Variants in PPFIA2 observed in about 807,000 individuals in gnomAD.
The protein encoded by PPFIA2 is PPFI scaffold protein A2.
PPFIA2 carries 46 observed loss-of-function variants against 175.5 expected under a neutral mutation model. That is an observed-to-expected ratio of 0.26 (90% CI 0.21 to 0.34). PPFIA2 has a LOEUF of 0.34. Ranked by LOEUF, PPFIA2 falls within the 10% of genes least tolerant of loss-of-function variation. The pLI is 1.00. For synonymous variants in PPFIA2, 568 were observed against 511.4 expected, an observed-to-expected ratio of 1.11 and a Z score of -1.49; for missense variants, 1,179 against 1,506.1, an observed-to-expected ratio of 0.78 and a Z score of 3.60.
chr12:81,548,909 T>C (rs563439513), intron 4 of PPFIA2, among the ~76,000 whole-genome samples: 2 of 152,176 alleles, frequency 1.3e-5, no homozygotes, highest in South Asian at 4.1e-4. Flanking sequence ...ACAAAGAAAC[T>C]GCAGGTACTT....
rs148194278 is a variant in PPFIA2 at position 81,732,265 on chromosome 12, A to T, written c.249+21708T>A. 5.7e-3 allele frequency among the ~76,000 whole-genome samples: 861 copies of T among 151,744 alleles called. 7 individuals carry two copies. The highest frequency in any genetic ancestry group is 0.037 in the South Asian group (178 of 4,824). On this transcript the variant is annotated intron_variant, in intron 3 of 32. Coordinates refer to ENST00000549396, the MANE Select transcript of PPFIA2 (RefSeq NM_003625.5). ...AAATTGAACATATTAATAGCATTTA[A>T]ATAATTGCTAATAGCTTAATTTCAA...
intron 8 of PPFIA2, among the ~76,000 whole-genome samples, chr12:81,387,631 C>G (rs1324665150): frequency 1.3e-5 from 2 of 152,076 alleles, no homozygotes; most frequent in African/African-American, 4.8e-5. Context: ...GGTAGAAGTT[C>G]TAATAAATCT....
At chr12:81,560,070 T>C (rs1004586761) in intron 4 of PPFIA2, among the ~76,000 whole-genome samples, 7 of 152,190 alleles carry the variant, frequency 4.6e-5, no homozygotes, top group African/African-American at 1.7e-4. Context: ...GAGGTTTGAA[T>C]TGACGTATAC....
intron 4 of PPFIA2, among the ~76,000 whole-genome samples, chr12:81,667,841 C>T (rs948787378): frequency 6.6e-6 from 1 of 152,168 alleles, no homozygotes; most frequent in East Asian, 1.9e-4. Flanking sequence ...TTTCTGATCA[C>T]CCCACCTTGA....
At chr12:81,638,876 A>T (rs2064520821) in intron 4 of PPFIA2, among the ~76,000 whole-genome samples, 1 of 149,688 alleles carries the variant, frequency 6.7e-6, no homozygotes, top group Non-Finnish European at 1.5e-5. Context: ...TTTAGTAGAG[A>T]CGGGGTTTCA....
chr12:81,347,191 A>G (rs967383203), intron 18 of PPFIA2, among the ~76,000 whole-genome samples: 2 of 151,854 alleles, frequency 1.3e-5, no homozygotes, highest in African/African-American at 4.8e-5. Context: ...GCCTCTAGGT[A>G]ATCCTCCTGC....
At chr12:81,737,921 GA>G (rs2081830429) in intron 3 of PPFIA2, among the ~76,000 whole-genome samples, 1 of 151,496 alleles carries the variant, frequency 6.6e-6, no homozygotes, top group Non-Finnish European at 1.5e-5. Flanking sequence ...AATGAGGGGG[GA>G]AACAGAATGT....
intron 4 of PPFIA2, among the ~76,000 whole-genome samples, chr12:81,503,382 T>C (rs1054832134): frequency 2.0e-5 from 3 of 152,036 alleles, no homozygotes; most frequent in African/African-American, 7.2e-5. Flanking sequence ...ATTTCCACCA[T>C]CCACATGATA....
intron 16 of PPFIA2, among the ~76,000 whole-genome samples, chr12:81,354,092 G>C (rs951171451): frequency 8.5e-5 from 13 of 152,178 alleles, no homozygotes; most frequent in African/African-American, 3.1e-4. Flanking sequence ...TCTTTTTGCT[G>C]GTGGAAGGTC....
chr12:81,393,179 A>G (rs1337026555), intron 8 of PPFIA2, among the ~76,000 whole-genome samples: 2 of 152,102 alleles, frequency 1.3e-5, no homozygotes, highest in Non-Finnish European at 2.9e-5. Context: ...GCTAGGTCCC[A>G]CATTACAGCA....
rs184675193 is a variant in PPFIA2 at position 81,410,311 on chromosome 12, T to C, written c.646-4408A>G. Among the ~76,000 whole-genome samples the C allele has an allele frequency of 2.5e-3, 376 of 152,280 alleles. 1 individual carries two copies. Among genetic ancestry groups the C allele is most frequent in the African/African-American group, 8.3e-3 (347 of 41,566 alleles). On this transcript the variant is annotated intron_variant, in intron 7 of 32. Coordinates refer to ENST00000549396, the MANE Select transcript of PPFIA2 (RefSeq NM_003625.5). ...TCCTTATACTTCCTAATTTGTAACA[T>C]TGGCTCAAATGGCTCCCCTTTTAAA... is the stretch of plus-strand genomic sequence containing the variant.
chr12:81,549,623 C>T (rs184270346), intron 4 of PPFIA2, among the ~76,000 whole-genome samples: 18 of 152,024 alleles, frequency 1.2e-4, no homozygotes, highest in Admixed American at 8.5e-4. Flanking sequence ...TGAATATGTC[C>T]CATTCCATTA....
At chr12:81,705,607 C>T (rs532460503) in intron 3 of PPFIA2, among the ~76,000 whole-genome samples, 3 of 152,140 alleles carry the variant, frequency 2.0e-5, no homozygotes, top group East Asian at 1.9e-4. Flanking sequence ...GTAAAAGATA[C>T]AAGCACAATA....
chr12:81,367,987 C>G (rs1229132251), intron 13 of PPFIA2: 1 of 665,736 alleles, frequency 1.5e-6, no homozygotes, highest in African/African-American at 1.9e-5. Context: ...TTTGTCAAAA[C>G]ATTTTCCCTA....
chr12:81,296,529 T>C (rs982330419), intron 23 of PPFIA2: 6 of 152,314 alleles, frequency 3.9e-5, no homozygotes, highest in Non-Finnish European at 7.3e-5. Context: ...TCATTAGTTA[T>C]GAGTAAGAAG....
chr12:81,300,171 C>T (rs2047465334), intron 22 of PPFIA2, among the ~76,000 whole-genome samples: 2 of 152,104 alleles, frequency 1.3e-5, no homozygotes, highest in African/African-American at 2.4e-5. Flanking sequence ...CTTACAAAGC[C>T]AATTTGAGAT....
In PPFIA2 at chr12:81,377,810, A is replaced by T. The variant is rs2036727958; in HGVS notation, c.985-1868T>A. Among the ~76,000 whole-genome samples, 4 of 152,088 alleles carry T rather than the reference A, an allele frequency of 2.6e-5. No individual in the cohort carries two copies. The South Asian group carries it at 8.3e-4, about 32-fold the overall frequency. ...AGCCTGGAATAAAAGTGGTTTTGTGACCTGATACTTCCTTACTTCAGTGTA... is the reference window on the plus strand; with the variant it reads ...AGCCTGGAATAAAAGTGGTTTTGTGTCCTGATACTTCCTTACTTCAGTGTA... On this transcript the variant is annotated intron_variant, in intron 9 of 32. Coordinates refer to ENST00000549396, the MANE Select transcript of PPFIA2 (RefSeq NM_003625.5).
intron 28 of PPFIA2, among the ~76,000 whole-genome samples, chr12:81,271,072 T>C (rs987160358): frequency 3.9e-5 from 6 of 152,320 alleles, no homozygotes; most frequent in Admixed American, 3.3e-4. Context: ...ATTGAAAGTG[T>C]GTCCATTGTA....
chr12:81,702,591 G>A (rs567029119), intron 3 of PPFIA2, among the ~76,000 whole-genome samples: 1 of 152,226 alleles, frequency 6.6e-6, no homozygotes, highest in African/African-American at 2.4e-5. Context: ...GCCACTGAAA[G>A]GATTTTGGCA....
Sources: gnomAD v4.1 joint callset for allele counts (sites outside exome capture counted in the v4.1 genomes callset) on GRCh38, gnomAD v4.1.1 for gene constraint, MANE v1.5 for transcripts, NCBI Gene and HGNC (gene_info 2026-07-23, HGNC 2026-07-21) for gene names.